Variants in CGNL1 observed in about 807,000 individuals in gnomAD.
CGNL1 encodes cingulin-like protein 1.
A neutral mutation model predicts 141.2 loss-of-function variants in CGNL1; 132 were observed. That is an observed-to-expected ratio of 0.93 (90% CI 0.81 to 1.08). The LOEUF is 1.08. CGNL1 is among the 50% of genes least tolerant of loss of function. The pLI is 0.00. For synonymous variants in CGNL1, 690 were observed against 622.1 expected (o/e 1.11, Z -1.63); for missense variants, 1,870 against 1,588.6 (o/e 1.18, Z -3.01).
chr15:57,540,163 G>A (rs937165161), intron 14 of CGNL1, among the ~76,000 whole-genome samples: 1 of 151,974 alleles, frequency 6.6e-6, no homozygotes, highest in Non-Finnish European at 1.5e-5. Context: ...TGTGTTACTG[G>A]TGGTCTGCCC....
At chr15:57,523,379 T>G in intron 10 of CGNL1, 110 bp from the exon 11 acceptor site, 1 of 860,242 alleles carries the variant, frequency 1.2e-6, no homozygotes, top group African/African-American at 1.7e-5. Context: ...CATCACGGAT[T>G]TAACAGATCT....
intron 1 of CGNL1, among the ~76,000 whole-genome samples, chr15:57,410,135 G>A (rs1433064089): frequency 3.3e-5 from 5 of 152,230 alleles, no homozygotes; most frequent in South Asian, 2.1e-4. Flanking sequence ...GGTCAGGCCC[G>A]AGGTAGCCTG....
In CGNL1 at chr15:57,440,413, A is replaced by G. The variant is rs1382706575; in HGVS notation, c.1639A>G (p.Thr547Ala). The G allele has an allele frequency of 6.2e-7, 1 of 1,602,940 alleles. No individual in the cohort carries two copies. The highest frequency in any genetic ancestry group is 2.2e-5 in the East Asian group (1 of 44,782). Residue 547 changes from threonine to alanine, a missense_variant, in exon 3 of 19, where the codon ACT becomes GCT. Transcript: ENST00000281282. ...TCTCTTAAAGGGCCAGCAAGAGCTC[A>G]CTCAGCAAACCAATGAGGAGACAGC... is the stretch of plus-strand genomic sequence containing the variant. The part of the protein sequence containing the change: ...PDLLKGQQEL[T>A]QQTNEETAKQ...
At chr15:57,394,553 T>C (rs747480988) in intron 1 of CGNL1, among the ~76,000 whole-genome samples, 5 of 152,184 alleles carry the variant, frequency 3.3e-5, no homozygotes, top group Non-Finnish European at 5.9e-5. Flanking sequence ...TCAGGCAGTT[T>C]GCTATTTCTT....
chr15:57,537,252 C>T (rs2032309436), intron 14 of CGNL1, among the ~76,000 whole-genome samples: 1 of 152,170 alleles, frequency 6.6e-6, no homozygotes, highest in Admixed American at 6.5e-5. Flanking sequence ...TTCATGGTCT[C>T]TCCAGGGACT....
intron 1 of CGNL1, chr15:57,394,099 C>CTTTTTTTTTTTTTTTT (rs1555429893): frequency 2.9e-5 from 1 of 34,180 alleles, no homozygotes; most frequent in Non-Finnish European, 6.0e-5. Context: ...AGGGTAATTT[C>CTTTTTTTTTTTTTTTT]TGTTTGTTTT....
chr15:57,402,836 T>A (rs2062674948), intron 1 of CGNL1: 1 of 152,270 alleles, frequency 6.6e-6, no homozygotes, highest in Admixed American at 6.5e-5. Context: ...CTTTTGTTTT[T>A]TGCCATCTCA....
intron 4 of CGNL1, among the ~76,000 whole-genome samples, chr15:57,444,271 T>A (rs1047155331): frequency 3.3e-5 from 5 of 152,160 alleles, no homozygotes; most frequent in African/African-American, 1.2e-4. Context: ...CATGTACTCG[T>A]AGTTTTTTTT....
intron 3 of CGNL1, among the ~76,000 whole-genome samples, 183 bp from the exon 4 acceptor site, chr15:57,442,190 A>G (rs2063197457): frequency 1.4e-5 from 2 of 147,990 alleles, no homozygotes; most frequent in Non-Finnish European, 3.0e-5. Flanking sequence ...TTGAAAAAAA[A>G]AAAAAAAAAA....
chr15:57,530,020 A>G (rs2031862610), intron 13 of CGNL1, among the ~76,000 whole-genome samples: 1 of 152,214 alleles, frequency 6.6e-6, no homozygotes, highest in African/African-American at 2.4e-5. Context: ...AGGTCAACCC[A>G]CTTAACTAGA....
intron 1 of CGNL1, chr15:57,398,321 T>A (rs564081811): frequency 6.6e-6 from 1 of 151,842 alleles, no homozygotes; most frequent in African/African-American, 2.4e-5. Flanking sequence ...CAAATTGGGG[T>A]TTTTTTTCCT....
chr15:57,483,227 C>T (rs2063748029), intron 8 of CGNL1, among the ~76,000 whole-genome samples: 1 of 152,116 alleles, frequency 6.6e-6, no homozygotes, highest in African/African-American at 2.4e-5. Context: ...TTTAGATGTT[C>T]ACTGCTTTCA....
intron 17 of CGNL1, 115 bp downstream of exon 17, chr15:57,545,815 C>A: frequency 1.2e-6 from 1 of 867,948 alleles, no homozygotes. Context: ...GCTGATTCCT[C>A]CCTTTCCACG....
At chr15:57,382,427 C>T (rs1428421011) in intron 1 of CGNL1, among the ~76,000 whole-genome samples, 1 of 152,288 alleles carries the variant, frequency 6.6e-6, no homozygotes. Context: ...GGCCAGAAGC[C>T]TCTTTGTTTA....
At chr15:57,536,995 C>G (rs1460250903) in intron 14 of CGNL1, among the ~76,000 whole-genome samples, 1 of 152,222 alleles carries the variant, frequency 6.6e-6, no homozygotes, top group African/African-American at 2.4e-5. Context: ...TCTCCTGATT[C>G]TTTATGAGTG....
chr15:57,452,204 C>T lies in CGNL1; in HGVS notation c.1969C>T (p.Gln657Ter), dbSNP rs1382091448. Residue 657 changes from glutamine (Q) to a stop codon, truncating the protein, a stop_gained, in exon 6 of 19, where the codon CAA becomes TAA. Coordinates refer to ENST00000281282, the MANE Select transcript of CGNL1 (RefSeq NM_032866.5). LOFTEE classifies it high-confidence loss of function. ...MRANLEELRSQHNEKVEENST... is the reference protein window; with the variant it reads ...MRANLEELRS ...AGCAAACCTAGAAGAGCTCCGAAGC[C>T]AACACAACGAAAAGGTGGAGGAGAA... 6.2e-7 allele frequency: 1 copy of T among 1,613,818 alleles called. No homozygotes were observed. Among genetic ancestry groups the T allele is most frequent in the East Asian group, 2.2e-5 (1 of 44,840 alleles).
intron 1 of CGNL1, among the ~76,000 whole-genome samples, chr15:57,404,247 C>T (rs2062690905): frequency 6.6e-6 from 1 of 152,170 alleles, no homozygotes; most frequent in Admixed American, 6.5e-5. Context: ...CAGCTTTGGA[C>T]CTCTTGAAAC....
chr15:57,546,950 G>C (rs558242275), intron 18 of CGNL1, among the ~76,000 whole-genome samples: 1 of 152,256 alleles, frequency 6.6e-6, no homozygotes, highest in Non-Finnish European at 1.5e-5. Flanking sequence ...CCCAAGGTTG[G>C]CATTAGGGTG....
intron 1 of CGNL1, 94 bp downstream of exon 1, chr15:57,376,661 G>T (rs532489050): frequency 1.2e-3 from 185 of 151,242 alleles, no homozygotes; most frequent in African/African-American, 4.5e-3. Flanking sequence ...GACCCCCAGG[G>T]GTTCGGGCTC....
Sources: allele counts gnomAD v4.1 joint callset (sites outside exome capture counted in the v4.1 genomes callset), GRCh38; gene constraint gnomAD v4.1.1; transcripts MANE v1.5; gene names NCBI Gene and HGNC (gene_info 2026-07-23, HGNC 2026-07-21).